Variants in GATAD2A observed in about 807,000 individuals in gnomAD.
GATAD2A encodes the protein GATA zinc finger domain containing 2A, also known as transcriptional repressor p66-alpha.
A neutral mutation model predicts 68.5 loss-of-function variants in GATAD2A; 12 were observed. The observed-to-expected ratio is 0.18, with a 90% CI of 0.11 to 0.28. The LOEUF (loss-of-function observed/expected upper bound fraction) is 0.28. Ranked by LOEUF, GATAD2A falls within the 10% of genes least tolerant of loss-of-function variation. The pLI, the probability that GATAD2A is intolerant of heterozygous loss-of-function variation, is 1.00. For missense variants in GATAD2A, 755 were observed against 868.5 expected, an observed-to-expected ratio of 0.87 and a Z score of 1.64; for synonymous variants, 410 against 375.3, an observed-to-expected ratio of 1.09 and a Z score of -1.07.
intron 1 of GATAD2A, among the ~76,000 whole-genome samples, chr19:19,427,084 T>C (rs1473770210): frequency 1.3e-5 from 2 of 149,722 alleles, no homozygotes; most frequent in Non-Finnish European, 1.5e-5. Context: ...GTTCCTAGAC[T>C]CTCAAATTCT....
At chr19:19,412,220 A>G (rs1453700030) in intron 1 of GATAD2A, among the ~76,000 whole-genome samples, 2 of 150,242 alleles carry the variant, frequency 1.3e-5, no homozygotes, top group Middle Eastern at 3.2e-3. Context: ...CAGTGACGCG[A>G]TCTCAGCTCA....
intron 2 of GATAD2A, among the ~76,000 whole-genome samples, chr19:19,473,560 C>T (rs543836908): frequency 6.6e-6 from 1 of 152,088 alleles, no homozygotes; most frequent in Non-Finnish European, 1.5e-5. Flanking sequence ...TGTCACTTCC[C>T]TGCCCAGAGA....
At chr19:19,430,360 A>G (rs2053588525) in intron 1 of GATAD2A, among the ~76,000 whole-genome samples, 1 of 152,164 alleles carries the variant, frequency 6.6e-6, no homozygotes, top group South Asian at 2.1e-4. Flanking sequence ...ACTTCCCCAC[A>G]TTGAAAGTTT....
intron 1 of GATAD2A, among the ~76,000 whole-genome samples, chr19:19,418,875 T>C (rs932909074): frequency 6.6e-6 from 1 of 152,112 alleles, no homozygotes; most frequent in Admixed American, 6.5e-5. Flanking sequence ...GATTTGCCAC[T>C]TGGGTAAAAA....
At chr19:19,480,243 T>C (rs2058963743) in intron 2 of GATAD2A, among the ~76,000 whole-genome samples, 1 of 152,230 alleles carries the variant, frequency 6.6e-6, no homozygotes, top group Admixed American at 6.5e-5. Context: ...ACGTATGAGT[T>C]TGTAATACCA....
chr19:19,433,301 G>C (rs1295763267), intron 1 of GATAD2A, among the ~76,000 whole-genome samples: 1 of 152,096 alleles, frequency 6.6e-6, no homozygotes, highest in African/African-American at 2.4e-5. Context: ...TTGTCAGTCT[G>C]CTTGTCTTTG....
chr19:19,426,726 C>T (rs2053136356), intron 1 of GATAD2A, among the ~76,000 whole-genome samples: 1 of 152,166 alleles, frequency 6.6e-6, no homozygotes, highest in Non-Finnish European at 1.5e-5. Context: ...GTTGCACAGG[C>T]AGGTCTCGAA....
At chr19:19,502,923 G>A (rs1297664361) in intron 11 of GATAD2A, among the ~76,000 whole-genome samples, 2 of 152,154 alleles carry the variant, frequency 1.3e-5, no homozygotes, top group African/African-American at 4.8e-5. Context: ...CATCCATGCT[G>A]CGGTCACACT....
At chr19:19,424,130 C>T (rs2052769298) in intron 1 of GATAD2A, among the ~76,000 whole-genome samples, 1 of 151,998 alleles carries the variant, frequency 6.6e-6, no homozygotes, top group African/African-American at 2.4e-5. Context: ...TCACTGTTTT[C>T]TAGGGCTGGT....
At position 19,495,818 on chromosome 19, in the gene GATAD2A, C is replaced by T. The variant is rs756270151; in HGVS notation, c.689C>T (p.Ala230Val). The change falls in exon 6 of 12, where the codon GCG becomes GTG. Residue 230 changes from alanine to valine, a missense_variant. Coordinates refer to ENST00000683918, the MANE Select transcript of GATAD2A (RefSeq NM_001384528.1). Reference protein sequence around the residue: ...PPPLVRGGQQASSKLGPQASS... With the variant: ...PPPLVRGGQQVSSKLGPQASS... The stretch of plus-strand genomic sequence containing the variant: ...CCCCTGGTCCGAGGTGGGCAGCAGG[C>T]GTCCTCGAAGCTGGGGCCACAGGCG... 1.7e-5 allele frequency: 28 copies of T among 1,613,400 alleles called. No homozygotes were observed. The South Asian group carries it at 2.1e-4, about 12-fold the overall frequency.
chr19:19,434,419 G>A (rs1024080182), intron 1 of GATAD2A, among the ~76,000 whole-genome samples: 1 of 152,156 alleles, frequency 6.6e-6, no homozygotes, highest in Non-Finnish European at 1.5e-5. Context: ...CATTTAGGAG[G>A]TGCCTAAAGG....
intron 7 of GATAD2A, among the ~76,000 whole-genome samples, chr19:19,497,323 T>C (rs1468781721): frequency 1.3e-5 from 2 of 152,236 alleles, no homozygotes; most frequent in Non-Finnish European, 2.9e-5. Flanking sequence ...CCTGAACTCC[T>C]GACCTTAAGT....
intron 1 of GATAD2A, among the ~76,000 whole-genome samples, chr19:19,428,804 G>C (rs893590917): frequency 6.6e-6 from 1 of 152,186 alleles, no homozygotes; most frequent in Admixed American, 6.5e-5. Context: ...TCAATTCTCA[G>C]TGGTGGCCTG....
Position 19,470,225 on chromosome 19 carries a change from C to T in GATAD2A, c.269+4611C>T, listed in dbSNP as rs950678052. Among the ~76,000 whole-genome samples, 3 of 148,874 alleles carry T rather than the reference C, an allele frequency of 2.0e-5. 1 individual carries two copies. In the South Asian group the frequency reaches 6.4e-4, roughly 32 times the overall value. On this transcript the variant is annotated intron_variant, in intron 2 of 11. Coordinates refer to ENST00000683918, the MANE Select transcript of GATAD2A (RefSeq NM_001384528.1). ...GAGTGCAGTGGCACGATCTCCACCT[C>T]GTGGGTTTCAGTGATTCTCCTGCCT...
chr19:19,476,022 C>G (rs1476812807), intron 2 of GATAD2A, among the ~76,000 whole-genome samples: 2 of 152,176 alleles, frequency 1.3e-5, no homozygotes, highest in African/African-American at 4.8e-5. Flanking sequence ...TTCAGCTTCT[C>G]CAAGGTGTTG....
rs899979700 is a variant in GATAD2A, at chr19:19,505,636, G to A, written c.*162G>A. ...AGAGGCAAGACCTCAATTCTTGGCT[G>A]CAAAGTTTCATCAGGGCTAGGGGGC... is the stretch of plus-strand genomic sequence containing the variant. On this transcript the variant is annotated 3_prime_UTR_variant, in exon 12 of 12. Transcript: ENST00000683918. 4 of 609,458 alleles carry A rather than the reference G, an allele frequency of 6.6e-6. No individual in the cohort carries two copies. The highest frequency in any genetic ancestry group is 3.9e-5 in the African/African-American group (2 of 51,216). 37.8% of individuals were successfully genotyped at this position (609,458 alleles called of 1,614,324 possible).
At chr19:19,399,688 G>C (rs1346389927) in intron 1 of GATAD2A, among the ~76,000 whole-genome samples, 1 of 152,166 alleles carries the variant, frequency 6.6e-6, no homozygotes, top group African/African-American at 2.4e-5. Flanking sequence ...CTGTGAAAGA[G>C]AGAACAAACT....
chr19:19,413,710 G>A (rs886175784), intron 1 of GATAD2A, among the ~76,000 whole-genome samples: 2 of 152,076 alleles, frequency 1.3e-5, no homozygotes, highest in African/African-American at 2.4e-5. Flanking sequence ...TCAGCCTCCC[G>A]AGTAGTTAGG....
At chr19:19,478,934 C>G (rs1713821421) in intron 2 of GATAD2A, among the ~76,000 whole-genome samples, 1 of 152,150 alleles carries the variant, frequency 6.6e-6, no homozygotes, top group Admixed American at 6.5e-5. Flanking sequence ...CTTTAATACT[C>G]AGCTTACTAA....
Sources: allele counts gnomAD v4.1 joint callset (sites outside exome capture counted in the v4.1 genomes callset), GRCh38; gene constraint gnomAD v4.1.1; transcripts MANE v1.5; gene names NCBI Gene and HGNC (gene_info 2026-07-23, HGNC 2026-07-21).